The following PTCHD4 variants were observed in gnomAD, a reference collection of about 807,000 sequenced individuals.
The protein encoded by PTCHD4 is patched domain-containing protein 4.
In PTCHD4, 33 loss-of-function variants were observed where a neutral mutation model predicts 58.1. The ratio of observed to expected loss-of-function variants is 0.57; its 90% CI spans 0.43 to 0.76. The LOEUF is 0.76. PTCHD4 is among the 30% of genes least tolerant of loss of function. The pLI is 0.00. For missense variants in PTCHD4, 1,058 were observed against 1,027.1 expected, an observed-to-expected ratio of 1.03 and a Z score of -0.41; for synonymous variants, 478 against 409.6, an observed-to-expected ratio of 1.17 and a Z score of -2.02.
chr6:47,955,453 G>A (rs1450866151), intron 4 of PTCHD4, among the ~76,000 whole-genome samples: 1 of 152,162 alleles, frequency 6.6e-6, no homozygotes, highest in African/African-American at 2.4e-5. Flanking sequence ...ATGTGATGAA[G>A]AGAAACAGCA....
chr6:47,996,479 G>A (rs1768492272), intron 4 of PTCHD4, among the ~76,000 whole-genome samples: 1 of 151,976 alleles, frequency 6.6e-6, no homozygotes, highest in Admixed American at 6.6e-5. Flanking sequence ...ACTCCTGCTG[G>A]CTCAACTATT....
intron 4 of PTCHD4, among the ~76,000 whole-genome samples, chr6:47,894,826 G>A (rs1446966274): frequency 6.6e-6 from 1 of 152,186 alleles, no homozygotes; most frequent in East Asian, 1.9e-4. Flanking sequence ...ATTAGGCAAA[G>A]ATTCATCAAG....
In PTCHD4 at chr6:48,005,116, A is replaced by G. The variant is rs538608254; in HGVS notation, c.898+3518T>C. On this transcript the variant is annotated intron_variant, in intron 4 of 4. Coordinates refer to ENST00000339488, the MANE Select transcript of PTCHD4 (RefSeq NM_001384253.1). ...TAAAAAATGTGGGATATTTAGGTAC[A>G]GTATATATGCCTCTGAAATGACTTT... Among the ~76,000 whole-genome samples, 3 of 151,014 alleles carry G rather than the reference A, an allele frequency of 2.0e-5. No homozygotes were observed. In the South Asian group the frequency reaches 6.4e-4, roughly 32 times the overall value.
At chr6:47,936,414 C>T (rs1047228694) in intron 4 of PTCHD4, among the ~76,000 whole-genome samples, 7 of 152,160 alleles carry the variant, frequency 4.6e-5, no homozygotes, top group African/African-American at 1.7e-4. Flanking sequence ...TTATTAAACA[C>T]TTTGTACTTT....
At chr6:47,956,720 A>T (rs1172449767) in intron 4 of PTCHD4, among the ~76,000 whole-genome samples, 1 of 152,176 alleles carries the variant, frequency 6.6e-6, no homozygotes, top group African/African-American at 2.4e-5. Context: ...GGCGTGAGCC[A>T]CTGCTCCTGG....
chr6:48,010,231 T>A (rs1762616623), intron 3 of PTCHD4, among the ~76,000 whole-genome samples: 2 of 152,320 alleles, frequency 1.3e-5, no homozygotes. Flanking sequence ...CACAGTAGAC[T>A]GTGTGTCAAC....
intron 4 of PTCHD4, among the ~76,000 whole-genome samples, chr6:47,935,905 G>A (rs949673150): frequency 1.1e-4 from 16 of 152,176 alleles, no homozygotes; most frequent in Non-Finnish European, 1.9e-4. Flanking sequence ...AGTACCAGTG[G>A]CAGTATGATT....
intron 1 of PTCHD4, among the ~76,000 whole-genome samples, chr6:48,107,255 A>G (rs1320384435): frequency 6.6e-6 from 1 of 152,214 alleles, no homozygotes; most frequent in Non-Finnish European, 1.5e-5. Context: ...AAACAGAGAT[A>G]TAGACCAATG....
chr6:47,961,680 G>T (rs1350465593), intron 4 of PTCHD4, among the ~76,000 whole-genome samples: 1 of 152,016 alleles, frequency 6.6e-6, no homozygotes, highest in Non-Finnish European at 1.5e-5. Context: ...TGCACTCCTG[G>T]CTCAAAGAAA....
chr6:48,092,609 A>G (rs1030228571), intron 1 of PTCHD4, among the ~76,000 whole-genome samples: 15 of 152,230 alleles, frequency 9.9e-5, no homozygotes, highest in African/African-American at 3.6e-4. Context: ...TGGTCTTGAC[A>G]TCTTAATCAA....
chr6:48,072,267 T>A (rs1201392399), intron 1 of PTCHD4, among the ~76,000 whole-genome samples: 1 of 152,186 alleles, frequency 6.6e-6, no homozygotes, highest in Non-Finnish European at 1.5e-5. Flanking sequence ...ATCCAGCCAG[T>A]CTTTTATTTA....
intron 1 of PTCHD4, among the ~76,000 whole-genome samples, chr6:48,087,951 C>T (rs1003067607): frequency 4.6e-5 from 7 of 152,074 alleles, no homozygotes; most frequent in African/African-American, 1.7e-4. Context: ...GACATAAAAA[C>T]AACTAACTTA....
chr6:48,024,158 T>G (rs1437064074), intron 3 of PTCHD4, among the ~76,000 whole-genome samples: 1 of 152,174 alleles, frequency 6.6e-6, no homozygotes, highest in African/African-American at 2.4e-5. Context: ...TTTGTAGGGC[T>G]CCATCAACAG....
chr6:48,081,362 A>G (rs1765164310), intron 1 of PTCHD4, among the ~76,000 whole-genome samples: 1 of 152,130 alleles, frequency 6.6e-6, no homozygotes, highest in Non-Finnish European at 1.5e-5. Flanking sequence ...CATGGTAGAT[A>G]TATAGACTCT....
At chr6:48,101,151 C>A (rs1765594673) in intron 1 of PTCHD4, among the ~76,000 whole-genome samples, 1 of 151,424 alleles carries the variant, frequency 6.6e-6, no homozygotes, top group Admixed American at 6.6e-5. Context: ...GAGACACATC[C>A]CAAACAAAAT....
rs1043849249 is a variant in PTCHD4, at chr6:47,877,784, A to T, written c.*519T>A. Among the ~76,000 whole-genome samples, 3 of 152,068 alleles carry T rather than the reference A, an allele frequency of 2.0e-5. No homozygotes were observed. The highest frequency in any genetic ancestry group is 4.4e-5 in the Non-Finnish European group (3 of 67,984). The stretch of plus-strand genomic sequence containing the variant: ...AACTAAGTATATGTATATACGGGAT[A>T]TATACATATATATGTACACATAAAA... On this transcript the variant is annotated 3_prime_UTR_variant, in exon 5 of 5. Coordinates refer to ENST00000339488, the MANE Select transcript of PTCHD4 (RefSeq NM_001384253.1).
chr6:47,963,335 G>C (rs550138604), intron 4 of PTCHD4, among the ~76,000 whole-genome samples: 497 of 152,052 alleles, frequency 3.3e-3, no homozygotes, highest in African/African-American at 0.011. Flanking sequence ...TAAATAAAAA[G>C]ATAAGTCTTG....
intron 4 of PTCHD4, among the ~76,000 whole-genome samples, chr6:47,980,980 C>G (rs911586905): frequency 2.6e-5 from 4 of 151,776 alleles, no homozygotes; most frequent in Non-Finnish European, 4.4e-5. Context: ...TATTTTGATT[C>G]TTCTTTTTAT....
chr6:48,063,563 A>G (rs1764702444), intron 3 of PTCHD4, among the ~76,000 whole-genome samples: 2 of 152,196 alleles, frequency 1.3e-5, no homozygotes, highest in African/African-American at 2.4e-5. Context: ...TCCAGCAAGT[A>G]CTAGCTTGGG....
Sources: gnomAD v4.1 joint callset for allele counts (sites outside exome capture counted in the v4.1 genomes callset) on GRCh38, gnomAD v4.1.1 for gene constraint, MANE v1.5 for transcripts, NCBI Gene and HGNC (gene_info 2026-07-23, HGNC 2026-07-21) for gene names.